The following APLP1 variants were observed in gnomAD, a reference collection of about 807,000 sequenced individuals.
APLP1 encodes amyloid beta (A4) precursor-like protein 1.
A neutral mutation model predicts 84.5 loss-of-function variants in APLP1; 46 were observed. That is an observed-to-expected ratio of 0.54 (90% CI 0.43 to 0.70). The LOEUF is 0.70. Ranked by LOEUF, APLP1 falls within the 30% of genes least tolerant of loss-of-function variation. The pLI is 0.00. For missense variants in APLP1, 826 were observed against 900.2 expected (o/e 0.92, Z 1.05); for synonymous variants, 376 against 364.0 (o/e 1.03, Z -0.38).
chr19:35,870,689 C>T, intron 2 of APLP1: 1 of 610,990 alleles, frequency 1.6e-6, no homozygotes, highest in Non-Finnish European at 2.7e-6. Context: ...GAGGCTGAGA[C>T]AGGAGAATCG....
At chr19:35,873,876 G>A (rs1051619533) in intron 8 of APLP1, among the ~76,000 whole-genome samples, 163 bp downstream of exon 8, 3 of 152,016 alleles carry the variant, frequency 2.0e-5, no homozygotes, top group African/African-American at 4.8e-5. Flanking sequence ...CCTCTTAGCC[G>A]TCATCTGACC....
At position 35,871,884 on chromosome 19, in the gene APLP1, C is replaced by G. The variant is rs367773519; in HGVS notation, c.698C>G (p.Pro233Arg). ...GACCCCTCCACCCGGTCCTGGCCCC[C>G]GGGGAGCAGAGTAGAGGGGGCTGAG... is the stretch of plus-strand genomic sequence containing the variant. ...VGDPSTRSWPPGSRVEGAEDE... is the reference protein window; with the variant it reads ...VGDPSTRSWPRGSRVEGAEDE... The change falls in exon 6 of 17, where the codon CCG (proline) becomes CGG (arginine). Residue 233 changes from proline to arginine, a missense_variant. Physicochemically the swap from Pro to Arg is moderately radical, Grantham distance 103 (BLOSUM62 -2). Around this residue, in one of 3 missense-constraint regions of APLP1, gnomAD observed 383 missense variants for 378.3 expected, o/e 1.01. Coordinates refer to ENST00000221891, the MANE Select transcript of APLP1 (RefSeq NM_001024807.3). The G allele has an allele frequency of 1.1e-5, 17 of 1,613,920 alleles. No homozygotes were observed. Among genetic ancestry groups the G allele is most frequent in the Non-Finnish European group, 1.4e-5 (17 of 1,180,000 alleles).
At position 35,874,944 on chromosome 19, in the gene APLP1, C is replaced by G; in HGVS notation, c.1344+75C>G. On this transcript the variant is annotated intron_variant, in intron 10 of 16. Coordinates refer to ENST00000221891, the MANE Select transcript of APLP1 (RefSeq NM_001024807.3). The surrounding 1 kb of genome is among the most constrained non-coding windows in gnomAD (Gnocchi z 6.4). ...CGCGCCTCAGGCTCTTCTCTTGTCC[C>G]TTAGACCCTCTTTCTGTCTCTTGGA... 1 of 1,541,580 alleles carries G rather than the reference C, an allele frequency of 6.5e-7. No individual in the cohort carries two copies. The highest frequency in any genetic ancestry group is 1.2e-5 in the South Asian group (1 of 83,186).
rs774550993 is a variant in APLP1, at chr19:35,874,759, G to A, written c.1234G>A (p.Ala412Thr). ...DPPQAERVLL[A>T]LRRYLRAEQK... ...TCCACAGGCGGAGCGTGTCCTGTTG[G>A]CCCTGCGGCGCTACCTGCGTGCGGA... Residue 412 changes from alanine (A) to threonine (T), a missense_variant, in exon 10 of 17, where the codon GCC becomes ACC. Physicochemically the swap from Ala to Thr is moderately conservative, Grantham distance 58. Transcript: ENST00000221891. This position sits in a 1 kb window ranked among gnomAD's most constrained non-coding sequence, Gnocchi z 6.4. 5 of 1,613,308 alleles carry A rather than the reference G, an allele frequency of 3.1e-6. No individual in the cohort carries two copies. The African/African-American group carries it at 6.7e-5, about 22-fold the overall frequency.
In APLP1 at chr19:35,873,768, C is replaced by T. The variant is rs1313567032; in HGVS notation, c.1056+55C>T. 3 of 1,538,656 alleles carry T rather than the reference C, an allele frequency of 1.9e-6. No homozygotes were observed. The African/African-American group carries it at 4.1e-5, about 21-fold the overall frequency. On this transcript the variant is annotated intron_variant, in intron 8 of 16. Transcript: ENST00000221891. ...GCCTGTCCACCACCTGGAGCACACT[C>T]AGTTTCACCTGGCTCTGGCTGTGCC...
chr19:35,875,378 T>C (rs879534791), intron 10 of APLP1, among the ~76,000 whole-genome samples: 14 of 148,878 alleles, frequency 9.4e-5, no homozygotes, highest in Non-Finnish European at 1.6e-4. Flanking sequence ...CAGGCTGGAG[T>C]GCAGTGACAT....
intron 2 of APLP1, chr19:35,870,208 T>A: frequency 4.3e-6 from 1 of 232,468 alleles, no homozygotes; most frequent in Non-Finnish European, 8.4e-6. Context: ...AAGGGAGAGT[T>A]TTGGAGAGGC....
rs139935642 is a variant in APLP1 at position 35,871,677 on chromosome 19, G to T, written c.603G>T (p.Arg201=). The T allele has an allele frequency of 1.0e-4, 165 of 1,613,980 alleles. No individual in the cohort carries two copies. Among genetic ancestry groups the T allele is most frequent in the Non-Finnish European group, 1.2e-4 (143 of 1,180,034 alleles). ...SGMLLPCGSD[R]FRGVEYVCCP... ...TGCTCTTACCCTGTGGCTCGGATCGGTTCCGTGGTGTGGAGTATGTGTGCT... is the reference window on the plus strand; with the variant it reads ...TGCTCTTACCCTGTGGCTCGGATCGTTTCCGTGGTGTGGAGTATGTGTGCT... Residue 201 remains arginine (R), a synonymous_variant, in exon 5 of 17, where the codon CGG becomes CGT. Transcript: ENST00000221891.
chr19:35,871,637 T>A lies in APLP1; in HGVS notation c.563T>A (p.Leu188Gln). Reference protein sequence around the residue: ...QEACSSQGLILHGSGMLLPCG... With the variant: ...QEACSSQGLIQHGSGMLLPCG... ...GCCTGCAGCTCCCAGGGCCTCATCC[T>A]GCACGGCTCGGGCATGCTCTTACCC... Residue 188 changes from leucine to glutamine, a missense_variant, in exon 5 of 17, where the codon CTG becomes CAG. Physicochemically the swap from Leu to Gln is moderately radical, Grantham distance 113. Transcript: ENST00000221891. 6.2e-7 allele frequency: 1 copy of A among 1,614,096 alleles called. No individual in the cohort carries two copies. Among genetic ancestry groups the A allele is most frequent in the Non-Finnish European group, 8.5e-7 (1 of 1,180,016 alleles).
At position 35,874,103 on chromosome 19, in the gene APLP1, ACC is replaced by A. The variant is rs1974223645; in HGVS notation, c.1056+393_1056+394del. Among the ~76,000 whole-genome samples, 4 of 151,166 alleles carry A rather than the reference ACC, an allele frequency of 2.6e-5. No homozygotes were observed. The highest frequency in any genetic ancestry group is 1.3e-4 in the Admixed American group (2 of 15,154). On this transcript the variant is annotated intron_variant, in intron 8 of 16. Transcript: ENST00000221891. The surrounding 1 kb of genome is among the most constrained non-coding windows in gnomAD (Gnocchi z 6.4). ...AATCTCACCTTTATTAACCTGACCT[ACC>A]CCATGGAGACCCCACTCATGTTAGC... is the stretch of plus-strand genomic sequence containing the variant.
intron 10 of APLP1, 43 bp from the exon 11 acceptor site, chr19:35,876,474 G>T (rs1392050996): frequency 6.5e-7 from 1 of 1,534,980 alleles, no homozygotes. Context: ...CTCATCTCCA[G>T]CCTGCATTGC....
intron 7 of APLP1, 77 bp downstream of exon 7, chr19:35,872,690 T>A: frequency 6.7e-7 from 1 of 1,497,570 alleles, no homozygotes; most frequent in Non-Finnish European, 9.0e-7. Flanking sequence ...CAGGACACAT[T>A]GATACTACCT....
chr19:35,870,272 A>G (rs1974110162), intron 2 of APLP1: 1 of 183,532 alleles, frequency 5.4e-6, no homozygotes, highest in Non-Finnish European at 1.1e-5. Flanking sequence ...GGGGAGACGA[A>G]TCTGACTGCG....
In APLP1 at chr19:35,874,661, A is replaced by C; in HGVS notation, c.1214A>C (p.Gln405Pro). The change falls in exon 9 of 17, where the codon CAG becomes CCG. Residue 405 changes from glutamine to proline, a missense_variant and splice_region_variant. This residue lies in a region of APLP1 where 433 missense variants were observed against 496.5 expected (regional missense o/e 0.87). Transcript: ENST00000221891. This position sits in a 1 kb window ranked among gnomAD's most constrained non-coding sequence, Gnocchi z 6.4. Reference sequence around the variant, plus strand: ...GCAGCCCTGCAGGCAGATCCGCCTCAGGTGCGGGGACCGTGGGGGCAGAGA... The same window carrying C: ...GCAGCCCTGCAGGCAGATCCGCCTCCGGTGCGGGGACCGTGGGGGCAGAGA... ...FLAALQADPP[Q>P]AERVLLALRR... The C allele has an allele frequency of 6.2e-7, 1 of 1,613,558 alleles. No homozygotes were observed. The highest frequency in any genetic ancestry group is 1.3e-5 in the African/African-American group (1 of 75,058).
At chr19:35,873,987 T>C (rs230262) in intron 8 of APLP1, among the ~76,000 whole-genome samples, 16,224 of 152,232 alleles carry the variant, frequency 0.11, 1,741 homozygotes, top group African/African-American at 0.28. Context: ...AGCCAGGGCC[T>C]CTGCAGATGC....
intron 4 of APLP1, 89 bp from the exon 5 acceptor site, chr19:35,871,523 C>G: frequency 6.5e-7 from 1 of 1,528,322 alleles, no homozygotes; most frequent in Non-Finnish European, 9.0e-7. Flanking sequence ...AGGCTCCCAG[C>G]CTCATCAACC....
chr19:35,870,711 G>C, intron 2 of APLP1, 185 bp from the exon 3 acceptor site: 1 of 737,894 alleles, frequency 1.4e-6, no homozygotes, highest in Non-Finnish European at 2.1e-6. Context: ...TTGAACCTGG[G>C]AGGAGGAGGT....
At position 35,877,622 on chromosome 19, in the gene APLP1, C is replaced by G. The variant is rs988846258; in HGVS notation, c.1445-96C>G. 6.2e-5 allele frequency: 48 copies of G among 768,330 alleles called. No individual in the cohort carries two copies. The East Asian group carries it at 1.4e-3, about 22-fold the overall frequency. The allele number at this position is 768,330 out of a possible 1,614,324, so 47.6% of individuals were successfully genotyped here. A position where few individuals can be genotyped will look rare whatever the true frequency, so the allele number is the denominator to read the frequency against. ...TACCCCACACTTGGGGCTGACTCTG[C>G]TGTCTGCATGATCTCCCACTTGCTC... On this transcript the variant is annotated intron_variant, in intron 11 of 16. Coordinates refer to ENST00000221891, the MANE Select transcript of APLP1 (RefSeq NM_001024807.3).
Position 35,878,873 on chromosome 19 carries a change from A to C in APLP1, c.1651-17A>C. ...AGTGCCAGGCTTCTGGGTTCCTGAC[A>C]CCTCCTGCTCCCCCAGGTGAATGCG... On this transcript the variant is annotated splice_polypyrimidine_tract_variant and intron_variant, in intron 14 of 16. Coordinates refer to ENST00000221891, the MANE Select transcript of APLP1 (RefSeq NM_001024807.3). The C allele has an allele frequency of 6.2e-7, 1 of 1,613,816 alleles. No homozygotes were observed. Among genetic ancestry groups the C allele is most frequent in the Non-Finnish European group, 8.5e-7 (1 of 1,179,922 alleles).
Sources: allele counts gnomAD v4.1 joint callset (sites outside exome capture counted in the v4.1 genomes callset), GRCh38; gene constraint gnomAD v4.1.1; regional missense constraint gnomAD v4.1.1; non-coding constraint Gnocchi (gnomAD v3.1); transcripts MANE v1.5; gene names NCBI Gene and HGNC (gene_info 2026-07-23, HGNC 2026-07-21).